The following NUS1 variants were observed in gnomAD, a reference collection of about 807,000 sequenced individuals.
NUS1 encodes NUS1 dehydrodolichyl diphosphate synthase subunit.
For missense variants in NUS1, 292 were observed against 382.9 expected, an observed-to-expected ratio of 0.76 and a Z score of 1.98; for synonymous variants, 135 against 155.2, an observed-to-expected ratio of 0.87 and a Z score of 0.97.
intron 1 of NUS1, among the ~76,000 whole-genome samples, chr6:117,676,994 GC>G (rs1353428483): frequency 2.0e-5 from 3 of 152,198 alleles, no homozygotes; most frequent in Admixed American, 1.3e-4. Context: ...GTCTTGGAAG[GC>G]TGGGATGGTT....
Position 117,680,138 on chromosome 6 carries a change from A to C in NUS1, c.415+4053A>C, listed in dbSNP as rs74640986. ...CTTTTTGTTTTTCACTACCTGCAAT[A>C]TTTCTTGATTATAATAGAGTCTGCA... On this transcript the variant is annotated intron_variant, in intron 1 of 4. Transcript: ENST00000368494. Among the ~76,000 whole-genome samples the C allele has an allele frequency of 2.4e-4, 37 of 152,312 alleles. No homozygotes were observed. In the East Asian group the frequency reaches 6.7e-3, roughly 28 times the overall value.
chr6:117,689,450 A>T (rs1458565979), intron 1 of NUS1, among the ~76,000 whole-genome samples: 2 of 152,168 alleles, frequency 1.3e-5, no homozygotes, highest in African/African-American at 4.8e-5. Context: ...AAAATGAATA[A>T]ATCTTAGTTT....
At position 117,693,192 on chromosome 6, in the gene NUS1, A is replaced by T. The variant is rs753698696; in HGVS notation, c.541+25A>T. The T allele has an allele frequency of 1.1e-5, 18 of 1,598,530 alleles. No individual in the cohort carries two copies. The African/African-American group carries it at 2.3e-4, about 20-fold the overall frequency. On this transcript the variant is annotated intron_variant, in intron 2 of 4. Transcript: ENST00000368494. ...GGTAAGCATGAGTGTATAATTGAAC[A>T]TGTAACATATGAAGATGTGTGTTTT...
intron 3 of NUS1, among the ~76,000 whole-genome samples, chr6:117,697,731 C>T (rs1013082428): frequency 2.0e-5 from 3 of 151,962 alleles, no homozygotes; most frequent in Non-Finnish European, 2.9e-5. Context: ...CTTCAACACC[C>T]CACTTTCAAC....
At chr6:117,690,188 T>G (rs1238708518) in intron 1 of NUS1, among the ~76,000 whole-genome samples, 2 of 152,232 alleles carry the variant, frequency 1.3e-5, no homozygotes, top group Non-Finnish European at 2.9e-5. Flanking sequence ...TAGTGATATA[T>G]TTTTTGCTTA....
In NUS1 at chr6:117,706,667, C is replaced by T. The variant is rs2498588; in HGVS notation, c.792-258C>T. Among the ~76,000 whole-genome samples, 30,738 of 152,000 alleles carry T rather than the reference C, an allele frequency of 0.2. 3,388 individuals are homozygous for T. The highest frequency in any genetic ancestry group is 0.37 in the South Asian group (1,800 of 4,812). ...GGAATAGCTATCTTCAATGAACACT[C>T]GTCAATAAACAGTGAGTGCCACTAC... On this transcript the variant is annotated intron_variant, in intron 4 of 4. Transcript: ENST00000368494.
intron 1 of NUS1, among the ~76,000 whole-genome samples, chr6:117,691,052 C>T (rs1350161089): frequency 6.7e-6 from 1 of 149,940 alleles, no homozygotes; most frequent in Non-Finnish European, 1.5e-5. Flanking sequence ...TTTCTACATT[C>T]ACTTCTAAGT....
intron 3 of NUS1, among the ~76,000 whole-genome samples, chr6:117,696,745 C>T: frequency 6.6e-6 from 1 of 152,094 alleles, no homozygotes; most frequent in Non-Finnish European, 1.5e-5. Context: ...ATTTTATCAG[C>T]ACCACACTTT....
In NUS1 at chr6:117,708,888, TGTTAAA is replaced by T. The variant is rs1405409724; in HGVS notation, c.*1879_*1884del. The T allele has an allele frequency of 3.3e-5, 5 of 152,070 alleles. No individual in the cohort carries two copies. Among genetic ancestry groups the T allele is most frequent in the African/African-American group, 7.2e-5 (3 of 41,436 alleles). The allele number at this position is 152,070 out of a possible 1,614,324, so 9.4% of individuals were successfully genotyped here. ...GATTAAAATGAAGGGATTTAATCGT[TGTTAAA>T]GTTAAGTTAGTCAAATAAATTACCT... On this transcript the variant is annotated 3_prime_UTR_variant, in exon 5 of 5. Transcript: ENST00000368494.
At position 117,707,144 on chromosome 6, in the gene NUS1, A is replaced by T; in HGVS notation, c.*129A>T. The T allele has an allele frequency of 1.2e-6, 1 of 809,448 alleles. No individual in the cohort carries two copies. The highest frequency in any genetic ancestry group is 2.0e-6 in the Non-Finnish European group (1 of 492,770). The allele number at this position is 809,448 out of a possible 1,614,324, so 50.1% of individuals were successfully genotyped here. ...TAATCCTCATAATTTATCAACAAACACAAAAAAGTGTCTTACTTGAGAGTG... is the reference window on the plus strand; with the variant it reads ...TAATCCTCATAATTTATCAACAAACTCAAAAAAGTGTCTTACTTGAGAGTG... On this transcript the variant is annotated 3_prime_UTR_variant, in exon 5 of 5. Transcript: ENST00000368494.
intron 1 of NUS1, among the ~76,000 whole-genome samples, chr6:117,678,026 A>G (rs1216618512): frequency 6.6e-6 from 1 of 152,228 alleles, no homozygotes; most frequent in Non-Finnish European, 1.5e-5. Context: ...AGTACAGACT[A>G]TAATGTTGCC....
In NUS1 at chr6:117,693,107, G is replaced by A; in HGVS notation, c.481G>A (p.Gly161Ser). The change falls in exon 2 of 5, where the codon GGC becomes AGC. Residue 161 changes from glycine to serine, a missense_variant. By Grantham distance (56) the Gly-to-Ser change is moderately conservative (BLOSUM62 0). Coordinates refer to ENST00000368494, the MANE Select transcript of NUS1 (RefSeq NM_138459.5). ...TTTAAAACAACAGCAAGAACTTCTG[G>A]GCCTAGATTGTTCAAAATACTCACC... ...EILKQQQELL[G>S]LDCSKYSPEF... is the part of the protein sequence containing the mutation. 1 of 1,611,514 alleles carries A rather than the reference G, an allele frequency of 6.2e-7. No individual in the cohort carries two copies. The highest frequency in any genetic ancestry group is 8.5e-7 in the Non-Finnish European group (1 of 1,178,150).
In NUS1 at chr6:117,696,153, T is replaced by C. The variant is rs187218668; in HGVS notation, c.691+1973T>C. ...GAAAATGCAGTTGACATACTGAAAATGCATCAGAGTCTCTTAATAGCAGAA... is the reference window on the plus strand; with the variant it reads ...GAAAATGCAGTTGACATACTGAAAACGCATCAGAGTCTCTTAATAGCAGAA... On this transcript the variant is annotated intron_variant, in intron 3 of 4. Transcript: ENST00000368494. Among the ~76,000 whole-genome samples, 834 of 152,046 alleles carry C rather than the reference T, an allele frequency of 5.5e-3. 6 individuals are homozygous for C. Among genetic ancestry groups the C allele is most frequent in the South Asian group, 0.025 (122 of 4,820 alleles).
intron 4 of NUS1, among the ~76,000 whole-genome samples, chr6:117,704,197 G>A (rs909466027): frequency 6.6e-6 from 1 of 152,094 alleles, no homozygotes; most frequent in Non-Finnish European, 1.5e-5. Flanking sequence ...AATAGGAAAC[G>A]TGTTGAGCCT....
chr6:117,677,003 G>A (rs769899255), intron 1 of NUS1, among the ~76,000 whole-genome samples: 2 of 152,156 alleles, frequency 1.3e-5, no homozygotes, highest in African/African-American at 4.8e-5. Context: ...GGCTGGGATG[G>A]TTTGTGATCC....
chr6:117,681,010 C>A (rs62431054), intron 1 of NUS1, among the ~76,000 whole-genome samples: 9,205 of 152,240 alleles, frequency 0.06, 346 homozygotes, highest in African/African-American at 0.086. Context: ...ATACCTTTTG[C>A]TATGTCTGTA....
chr6:117,682,494 A>G (rs1325231671), intron 1 of NUS1, among the ~76,000 whole-genome samples: 3 of 152,164 alleles, frequency 2.0e-5, no homozygotes, highest in African/African-American at 2.4e-5. Context: ...CCAACTACTC[A>G]GGAGGCTGAG....
intron 2 of NUS1, 42 bp downstream of exon 2, chr6:117,693,209 G>A (rs1773268001): frequency 6.4e-7 from 1 of 1,572,638 alleles, no homozygotes. Flanking sequence ...ATATGAAGAT[G>A]TGTGTTTTGT....
chr6:117,694,427 G>A (rs969008647), intron 3 of NUS1, among the ~76,000 whole-genome samples: 2 of 152,020 alleles, frequency 1.3e-5, no homozygotes, highest in African/African-American at 4.8e-5. Flanking sequence ...GATGACCTTT[G>A]AGGATCTTTT....
Sources: gnomAD v4.1 joint callset for allele counts (sites outside exome capture counted in the v4.1 genomes callset) on GRCh38, gnomAD v4.1.1 for gene constraint, MANE v1.5 for transcripts, NCBI Gene and HGNC (gene_info 2026-07-23, HGNC 2026-07-21) for gene names.